PTGES3: variants seen among roughly 807,000 people sequenced by gnomAD.
The protein encoded by PTGES3 is Hsp90 co-chaperone.
A neutral mutation model predicts 29.9 loss-of-function variants in PTGES3; 5 were observed. The ratio of observed to expected loss-of-function variants is 0.17; its 90% CI spans 0.09 to 0.35. The LOEUF is 0.35. Ranked by LOEUF, PTGES3 falls within the 10% of genes least tolerant of loss-of-function variation. The pLI is 1.00. For missense variants in PTGES3, 128 were observed against 190.0 expected (o/e 0.67, Z 1.92); for synonymous variants, 49 against 57.8 (o/e 0.85, Z 0.69).
intron 1 of PTGES3, among the ~76,000 whole-genome samples, chr12:56,681,905 C>T (rs1187911715): frequency 6.6e-6 from 1 of 151,980 alleles, no homozygotes; most frequent in African/African-American, 2.4e-5. Flanking sequence ...GCAGCAGTGG[C>T]GCATTCTCGG....
Position 56,687,851 on chromosome 12 carries a change from C to G in PTGES3, c.2+147G>C. 4 of 1,503,448 alleles carry G rather than the reference C, an allele frequency of 2.7e-6. No homozygotes were observed. In the South Asian group the frequency reaches 3.7e-5, roughly 14 times the overall value. The allele number at this position is 1,503,448 out of a possible 1,614,324, so 93.1% of individuals were successfully genotyped here. A position where few individuals can be genotyped will look rare whatever the true frequency, so the allele number is the denominator to read the frequency against. The stretch of plus-strand genomic sequence containing the variant: ...ATGTCCTCCACCCGCCAACGGTAAC[C>G]GGAACAAGGATCCTGGACCTCCCGC... On this transcript the variant is annotated intron_variant, in intron 1 of 7. Coordinates refer to ENST00000262033, the MANE Select transcript of PTGES3 (RefSeq NM_006601.7).
chr12:56,672,180 C>T (rs1952029830), intron 3 of PTGES3, among the ~76,000 whole-genome samples: 1 of 152,034 alleles, frequency 6.6e-6, no homozygotes, highest in Non-Finnish European at 1.5e-5. Flanking sequence ...GATATAACCA[C>T]AGAATGGTTT....
Position 56,688,011 on chromosome 12 carries a change from C to A in PTGES3, c.-12G>T. 1.3e-6 allele frequency: 2 copies of A among 1,550,082 alleles called. No individual in the cohort carries two copies. Among genetic ancestry groups the A allele is most frequent in the Non-Finnish European group, 1.7e-6 (2 of 1,147,352 alleles). On this transcript the variant is annotated 5_prime_UTR_variant, in exon 1 of 8. Transcript: ENST00000262033. ...TGTCGCACTCACATTGTGAACGGGGCAGGGGGACGGGCGAACTGGTGGGCG... is the reference window on the plus strand; with the variant it reads ...TGTCGCACTCACATTGTGAACGGGGAAGGGGGACGGGCGAACTGGTGGGCG...
chr12:56,684,699 G>C (rs567192434), intron 1 of PTGES3, among the ~76,000 whole-genome samples: 2 of 152,264 alleles, frequency 1.3e-5, no homozygotes, highest in East Asian at 3.9e-4. Context: ...GATTCAAAAA[G>C]AAAATGCGAA....
At chr12:56,672,057 T>A (rs1262867648) in intron 3 of PTGES3, among the ~76,000 whole-genome samples, 1 of 152,186 alleles carries the variant, frequency 6.6e-6, no homozygotes, top group Non-Finnish European at 1.5e-5. Flanking sequence ...TCCCTTCTAT[T>A]TCCTACTGAA....
chr12:56,666,039 C>G, intron 6 of PTGES3, 165 bp downstream of exon 6: 2 of 1,382,938 alleles, frequency 1.4e-6, no homozygotes, highest in Non-Finnish European at 1.9e-6. Context: ...TAATAGATAC[C>G]CCCATTCGTC....
Position 56,677,739 on chromosome 12 carries a change from A to G in PTGES3, c.3-4674T>C, listed in dbSNP as rs918761536. ...CCACCAGAAATTCAGTTTTTAGAAG[A>G]TGAAACTTAATGGAGGGGTTTGCAG... On this transcript the variant is annotated intron_variant, in intron 1 of 7. Coordinates refer to ENST00000262033, the MANE Select transcript of PTGES3 (RefSeq NM_006601.7). Among the ~76,000 whole-genome samples the G allele has an allele frequency of 4.6e-5, 7 of 152,140 alleles. 1 individual carries two copies. Among genetic ancestry groups the G allele is most frequent in the Non-Finnish European group, 7.4e-5 (5 of 68,022 alleles).
chr12:56,666,284 A>T lies in PTGES3; in HGVS notation c.376-18T>A, dbSNP rs752456277. 13 of 1,598,294 alleles carry T rather than the reference A, an allele frequency of 8.1e-6. No homozygotes were observed. In the Admixed American group the frequency reaches 2.1e-4, roughly 25 times the overall value. Reference sequence around the variant, plus strand: ...TTCATCATCTATTTGAAGTGTAAAAATTAGTTTTAAAAATGATGTTAAGTT... The same window carrying T: ...TTCATCATCTATTTGAAGTGTAAAATTTAGTTTTAAAAATGATGTTAAGTT... On this transcript the variant is annotated intron_variant, in intron 5 of 7. Coordinates refer to ENST00000262033, the MANE Select transcript of PTGES3 (RefSeq NM_006601.7).
chr12:56,677,195 C>T (rs1054943292), intron 1 of PTGES3, among the ~76,000 whole-genome samples: 46 of 150,460 alleles, frequency 3.1e-4, no homozygotes, highest in Admixed American at 2.5e-3. Context: ...AGCCAGATAG[C>T]GCCACTGCAC....
chr12:56,669,595 G>GT (rs1176971490), intron 5 of PTGES3, among the ~76,000 whole-genome samples: 1 of 151,754 alleles, frequency 6.6e-6, no homozygotes, highest in Non-Finnish European at 1.5e-5. Flanking sequence ...TGATTCTTGT[G>GT]TTTAACAGTT....
intron 1 of PTGES3, among the ~76,000 whole-genome samples, chr12:56,673,643 AT>A (rs1952095950): frequency 6.6e-6 from 1 of 151,994 alleles, no homozygotes; most frequent in Middle Eastern, 3.4e-3. Context: ...AAATACAAAA[AT>A]TAGCCAGGCA....
chr12:56,677,870 G>A lies in PTGES3; in HGVS notation c.3-4805C>T, dbSNP rs576226657. ...ACTCTGAAATTTAAAATATCCCAAGGTAGTTGTGAGTTCCTCCATGGGGCC... is the reference window on the plus strand; with the variant it reads ...ACTCTGAAATTTAAAATATCCCAAGATAGTTGTGAGTTCCTCCATGGGGCC... On this transcript the variant is annotated intron_variant, in intron 1 of 7. Transcript: ENST00000262033. Among the ~76,000 whole-genome samples the A allele has an allele frequency of 1.1e-4, 17 of 152,250 alleles. No homozygotes were observed. The South Asian group carries it at 3.5e-3, about 32-fold the overall frequency.
intron 3 of PTGES3, among the ~76,000 whole-genome samples, 191 bp from the exon 4 acceptor site, chr12:56,672,038 A>T (rs528047661): frequency 1.1e-3 from 165 of 151,736 alleles, no homozygotes; most frequent in Admixed American, 3.3e-3. Flanking sequence ...TTAAAAAAAA[A>T]TTTTTTTTTC....
At chr12:56,671,305 G>A (rs1008697503) in intron 4 of PTGES3, among the ~76,000 whole-genome samples, 69 of 152,108 alleles carry the variant, frequency 4.5e-4, no homozygotes, top group African/African-American at 1.5e-3. Flanking sequence ...GACTGAGGAG[G>A]GAGGATCACT....
rs1271756043 is a variant in PTGES3 at position 56,683,972 on chromosome 12, C to CA, written c.2+4025dup. Among the ~76,000 whole-genome samples, 666 of 129,852 alleles carry CA rather than the reference C, an allele frequency of 5.1e-3. 6 individuals are homozygous for CA. Among genetic ancestry groups the CA allele is most frequent in the African/African-American group, 0.015 (551 of 37,390 alleles). 85.2% of individuals were successfully genotyped at this position (129,852 alleles called of 152,430 possible). A position where few individuals can be genotyped will look rare whatever the true frequency, so the allele number is the denominator to read the frequency against. ...AACTCCGTCTCAAAAAAAAAAAAAA[C>CA]AAAAAAAACAAACAAAAAAAACCCC... On this transcript the variant is annotated intron_variant, in intron 1 of 7. Coordinates refer to ENST00000262033, the MANE Select transcript of PTGES3 (RefSeq NM_006601.7).
At chr12:56,669,474 G>C (rs1951915843) in intron 5 of PTGES3, among the ~76,000 whole-genome samples, 1 of 152,098 alleles carries the variant, frequency 6.6e-6, no homozygotes, top group African/African-American at 2.4e-5. Context: ...GTAGAGACGG[G>C]GTTTCACCAT....
intron 1 of PTGES3, chr12:56,687,055 T>C (rs974276551): frequency 1.7e-5 from 7 of 405,654 alleles, no homozygotes; most frequent in African/African-American, 1.1e-4. Context: ...CAGTTCCCAC[T>C]GTACGCGGCA....
intron 1 of PTGES3, among the ~76,000 whole-genome samples, chr12:56,684,503 T>G (rs1340798107): frequency 6.6e-6 from 1 of 152,170 alleles, no homozygotes; most frequent in African/African-American, 2.4e-5. Context: ...GACAATTTTA[T>G]TTTGGAGATT....
chr12:56,675,492 G>C (rs182311552), intron 1 of PTGES3, among the ~76,000 whole-genome samples: 79 of 142,792 alleles, frequency 5.5e-4, no homozygotes, highest in Admixed American at 1.5e-3. Flanking sequence ...TCACACTACT[G>C]CACTCTAGCC....
Sources: gnomAD v4.1 joint callset for allele counts (sites outside exome capture counted in the v4.1 genomes callset) on GRCh38, gnomAD v4.1.1 for gene constraint, MANE v1.5 for transcripts, NCBI Gene and HGNC (gene_info 2026-07-23, HGNC 2026-07-21) for gene names.